The following AVEN variants were observed in gnomAD, a reference collection of about 807,000 sequenced individuals.
The protein encoded by AVEN is apoptosis and caspase activation inhibitor, also known as cell death regulator Aven.
A neutral mutation model predicts 38.1 loss-of-function variants in AVEN; 41 were observed. The observed-to-expected ratio is 1.08, with a 90% CI of 0.84 to 1.40. AVEN has a LOEUF of 1.40. Among genes scored for constraint, AVEN ranks in the 40% most tolerant of loss-of-function variants. The pLI, the probability that AVEN is intolerant of heterozygous loss-of-function variation, is 0.00. For missense variants in AVEN, 605 were observed against 438.8 expected (o/e 1.38, Z -3.38); for synonymous variants, 206 against 171.8 (o/e 1.20, Z -1.56).
downstream of AVEN, chr15:33,865,228 T>C (rs373599439): frequency 6.2e-7 from 1 of 1,608,746 alleles, no homozygotes; most frequent in Non-Finnish European, 8.5e-7. Flanking sequence ...CTTGGATAAA[T>C]CTGAATCAAA....
At chr15:34,004,663 G>A (rs946721322) in intron 1 of AVEN, among the ~76,000 whole-genome samples, 11 of 152,260 alleles carry the variant, frequency 7.2e-5, no homozygotes, top group Admixed American at 7.2e-4. Context: ...GATAGGACAT[G>A]TGAGGTTTGC....
chr15:33,908,952 A>G (rs1892815067), intron 2 of AVEN, among the ~76,000 whole-genome samples: 1 of 152,160 alleles, frequency 6.6e-6, no homozygotes, highest in South Asian at 2.1e-4. Flanking sequence ...TTTCCTTCAC[A>G]TGATTTTTGC....
At chr15:33,890,837 C>T (rs971440295) in intron 2 of AVEN, among the ~76,000 whole-genome samples, 1 of 152,192 alleles carries the variant, frequency 6.6e-6, no homozygotes, top group Non-Finnish European at 1.5e-5. Flanking sequence ...ACTGGCCAAG[C>T]ATGGTGGCTC....
At chr15:33,953,072 A>T (rs988498844) in intron 2 of AVEN, among the ~76,000 whole-genome samples, 1 of 152,128 alleles carries the variant, frequency 6.6e-6, no homozygotes, top group African/African-American at 2.4e-5. Flanking sequence ...TAGGAATACA[A>T]CTTACAAGGG....
At chr15:33,920,824 G>T (rs1422797990) in intron 2 of AVEN, among the ~76,000 whole-genome samples, 2 of 151,932 alleles carry the variant, frequency 1.3e-5, no homozygotes, top group African/African-American at 4.8e-5. Flanking sequence ...GGAGTGCAGT[G>T]GTGCAATCTC....
chr15:33,914,684 C>G (rs981606998), intron 2 of AVEN, among the ~76,000 whole-genome samples: 2 of 150,818 alleles, frequency 1.3e-5, no homozygotes, highest in Non-Finnish European at 2.9e-5. Context: ...AAGGGATATA[C>G]AAACATGGAG....
At chr15:34,037,084 G>A (rs982280162) in intron 1 of AVEN, among the ~76,000 whole-genome samples, 6 of 150,192 alleles carry the variant, frequency 4.0e-5, no homozygotes, top group Non-Finnish European at 7.4e-5. Flanking sequence ...ACTCCAGCCT[G>A]GGCAACAAGA....
At chr15:33,988,718 CA>C (rs879560949) in intron 2 of AVEN, among the ~76,000 whole-genome samples, 15 of 152,136 alleles carry the variant, frequency 9.9e-5, no homozygotes, top group Non-Finnish European at 1.8e-4. Flanking sequence ...AGAATTATCG[CA>C]AAATTAAAAG....
chr15:33,883,093 A>G (rs1891558789), intron 2 of AVEN, among the ~76,000 whole-genome samples: 1 of 152,212 alleles, frequency 6.6e-6, no homozygotes, highest in Non-Finnish European at 1.5e-5. Flanking sequence ...TTACCTAGTC[A>G]GTTACTATTT....
intron 5 of AVEN, among the ~76,000 whole-genome samples, chr15:34,049,693 G>A (rs1567488761): frequency 6.6e-6 from 1 of 151,984 alleles, no homozygotes; most frequent in Admixed American, 6.6e-5. Flanking sequence ...ACCCCAGTAA[G>A]ATACTCCACA....
downstream of AVEN, chr15:33,865,882 CT>C (rs1890352588): frequency 6.6e-6 from 1 of 152,496 alleles, no homozygotes; most frequent in Admixed American, 6.6e-5. Flanking sequence ...TGAAACTGCA[CT>C]TGAAGGTTAT....
chr15:34,029,088 T>C (rs1373410257), intron 1 of AVEN, among the ~76,000 whole-genome samples: 2 of 152,110 alleles, frequency 1.3e-5, no homozygotes, highest in Non-Finnish European at 2.9e-5. Flanking sequence ...ACGTTCATGC[T>C]ACCCACCAGA....
chr15:33,905,550 C>T (rs559636197), intron 2 of AVEN, among the ~76,000 whole-genome samples: 10 of 152,292 alleles, frequency 6.6e-5, no homozygotes, highest in Admixed American at 2.6e-4. Flanking sequence ...ATTGGCTGGA[C>T]GCCAGGGTTC....
At chr15:34,064,288 A>G in intron 4 of AVEN, 1 of 1,613,926 alleles carries the variant, frequency 6.2e-7, no homozygotes, top group Non-Finnish European at 8.5e-7. Flanking sequence ...GAGAAGTTGT[A>G]CTGGCAGGGG....
In AVEN at chr15:34,063,822, C is replaced by G. The variant is rs1281393384; in HGVS notation, n.1127-390G>C. 1.2e-6 allele frequency: 2 copies of G among 1,614,050 alleles called. No individual in the cohort carries two copies. The highest frequency in any genetic ancestry group is 1.7e-5 in the Admixed American group (1 of 59,988). On this transcript the variant is annotated intron_variant and non_coding_transcript_variant, in intron 4 of 11. Coordinates refer to the AVEN transcript ENST00000675287. This position sits in a 1 kb window ranked among gnomAD's most constrained non-coding sequence, Gnocchi z 4.1. ...CTACCTTCTGTCTCCAGCAGCTGCTCATAGACCCAAGAGTCAGAAATGTGT... is the reference window on the plus strand; with the variant it reads ...CTACCTTCTGTCTCCAGCAGCTGCTGATAGACCCAAGAGTCAGAAATGTGT...
chr15:33,893,337 T>C (rs887973340), intron 2 of AVEN, among the ~76,000 whole-genome samples: 1 of 152,238 alleles, frequency 6.6e-6, no homozygotes, highest in Non-Finnish European at 1.5e-5. Context: ...GCCCATTCAG[T>C]ATGATATTGG....
chr15:33,953,566 T>C (rs1320702722), intron 2 of AVEN, among the ~76,000 whole-genome samples: 1 of 152,214 alleles, frequency 6.6e-6, no homozygotes, highest in Non-Finnish European at 1.5e-5. Context: ...TAAATGGTGC[T>C]GGTAAAACTG....
intron 2 of AVEN, among the ~76,000 whole-genome samples, chr15:33,945,644 C>T (rs895017170): frequency 6.6e-6 from 1 of 151,862 alleles, no homozygotes; most frequent in Non-Finnish European, 1.5e-5. Context: ...GGAGTGCAGT[C>T]GCGCAATCTC....
At chr15:33,985,882 A>G (rs1166523543) in intron 2 of AVEN, among the ~76,000 whole-genome samples, 1 of 152,152 alleles carries the variant, frequency 6.6e-6, no homozygotes, top group Non-Finnish European at 1.5e-5. Flanking sequence ...ACTATCTCTA[A>G]GGATTCTTCT....
Sources: gnomAD v4.1 joint callset for allele counts (sites outside exome capture counted in the v4.1 genomes callset) on GRCh38, gnomAD v4.1.1 for gene constraint, Gnocchi (gnomAD v3.1) non-coding constraint, MANE v1.5 for transcripts, NCBI Gene and HGNC (gene_info 2026-07-23, HGNC 2026-07-21) for gene names.